ROR1: variants seen among roughly 807,000 people sequenced by gnomAD.
ROR1 encodes the protein inactive tyrosine-protein kinase transmembrane receptor ROR1.
Under a neutral mutation model 78.8 loss-of-function variants are expected in ROR1, and 19 were observed. The observed-to-expected ratio is 0.24, with a 90% CI of 0.17 to 0.35. The LOEUF (loss-of-function observed/expected upper bound fraction) is 0.35, where lower values mean the gene tolerates loss of function less well. Among genes scored for constraint, ROR1 ranks in the 10% least tolerant of loss-of-function variants. ROR1 has a pLI of 1.00. For synonymous variants in ROR1, 386 were observed against 433.6 expected (o/e 0.89, Z 1.36); for missense variants, 917 against 1,177.8 (o/e 0.78, Z 3.24).
At chr1:64,173,072 A>C (rs1309937734) in intron 8 of ROR1, among the ~76,000 whole-genome samples, 1 of 152,206 alleles carries the variant, frequency 6.6e-6, no homozygotes, top group African/African-American at 2.4e-5. Flanking sequence ...ATTTGTACCA[A>C]GTAACTTGAG....
intron 7 of ROR1, among the ~76,000 whole-genome samples, chr1:64,152,405 G>A (rs959992615): frequency 1.3e-5 from 2 of 152,080 alleles, no homozygotes; most frequent in Non-Finnish European, 2.9e-5. Flanking sequence ...GGTAGAAGAG[G>A]ACCACGATGT....
chr1:64,126,630 T>C (rs1195964390), intron 4 of ROR1, among the ~76,000 whole-genome samples: 1 of 152,174 alleles, frequency 6.6e-6, no homozygotes, highest in African/African-American at 2.4e-5. Context: ...CTATCCAAGG[T>C]TGTATGGAAA....
chr1:63,891,008 G>T (rs1202861437), intron 1 of ROR1, among the ~76,000 whole-genome samples: 3 of 152,070 alleles, frequency 2.0e-5, no homozygotes, highest in African/African-American at 7.2e-5. Context: ...TTTCTGCCTG[G>T]TGTTCATCAT....
chr1:64,070,540 G>A lies in ROR1; in HGVS notation c.482+19824G>A, dbSNP rs141119967. ...CCACCATATTGCCCAGGCTGGTCTC[G>A]AATTCCTTGCCTCAAACCATCCTCG... On this transcript the variant is annotated intron_variant, in intron 4 of 8. Transcript: ENST00000371079. Among the ~76,000 whole-genome samples, 18 of 152,114 alleles carry A rather than the reference G, an allele frequency of 1.2e-4. No homozygotes were observed. In the East Asian group the frequency reaches 2.9e-3, roughly 24 times the overall value.
chr1:63,868,347 C>T (rs897093351), intron 1 of ROR1, among the ~76,000 whole-genome samples: 1 of 152,078 alleles, frequency 6.6e-6, no homozygotes, highest in African/African-American at 2.4e-5. Flanking sequence ...AGGAATGAGT[C>T]GGGTCCTCAA....
At chr1:63,808,843 T>A (rs1200336665) in intron 1 of ROR1, among the ~76,000 whole-genome samples, 1 of 147,124 alleles carries the variant, frequency 6.8e-6, no homozygotes, top group Non-Finnish European at 1.5e-5. Flanking sequence ...TCATTTATGT[T>A]TTTTTTTTTT....
chr1:63,837,204 G>T (rs1172918946), intron 1 of ROR1, among the ~76,000 whole-genome samples: 5 of 152,198 alleles, frequency 3.3e-5, no homozygotes, highest in African/African-American at 9.6e-5. Flanking sequence ...TACTACGTAT[G>T]AATTTGACCT....
chr1:63,862,991 C>T (rs1445403663), intron 1 of ROR1, among the ~76,000 whole-genome samples: 2 of 152,218 alleles, frequency 1.3e-5, no homozygotes, highest in Non-Finnish European at 2.9e-5. Flanking sequence ...CTATCAAGGA[C>T]AGCATCTTGC....
chr1:63,908,533 G>C (rs1420450425), intron 1 of ROR1, among the ~76,000 whole-genome samples: 2 of 152,120 alleles, frequency 1.3e-5, no homozygotes, highest in Admixed American at 6.5e-5. Flanking sequence ...TCGCTCCCCT[G>C]TTTATGTATT....
intron 1 of ROR1, among the ~76,000 whole-genome samples, chr1:63,985,839 T>C (rs1441297438): frequency 1.3e-5 from 2 of 152,086 alleles, no homozygotes; most frequent in African/African-American, 4.8e-5. Flanking sequence ...CCCTAAGATA[T>C]CTCATTGTTT....
At chr1:64,127,419 G>A (rs1036520626) in intron 4 of ROR1, among the ~76,000 whole-genome samples, 54 of 151,672 alleles carry the variant, frequency 3.6e-4, no homozygotes, top group African/African-American at 1.3e-3. Flanking sequence ...CTCTTTCTCT[G>A]TCTCTCTCTG....
chr1:63,831,548 C>A (rs1336294269), intron 1 of ROR1, among the ~76,000 whole-genome samples: 1 of 152,206 alleles, frequency 6.6e-6, no homozygotes, highest in Non-Finnish European at 1.5e-5. Context: ...GGCTGAGACT[C>A]AAGGTGCCAT....
chr1:64,052,109 G>A (rs1646837857), intron 4 of ROR1, among the ~76,000 whole-genome samples: 1 of 151,778 alleles, frequency 6.6e-6, no homozygotes, highest in East Asian at 1.9e-4. Context: ...TACTTGCCCA[G>A]GTAGAAAATG....
chr1:63,876,868 A>C (rs1277326740), intron 1 of ROR1, among the ~76,000 whole-genome samples: 1 of 151,984 alleles, frequency 6.6e-6, no homozygotes, highest in African/African-American at 2.4e-5. Context: ...TCCAGTGAGA[A>C]TCTCATGTAT....
At chr1:64,143,192 A>T (rs191870040) in intron 7 of ROR1, 193 of 990,150 alleles carry the variant, frequency 1.9e-4, no homozygotes, top group Admixed American at 6.2e-4. Flanking sequence ...TGAGTCAGTT[A>T]ACTGTTCCTT....
At chr1:63,855,148 A>C (rs1255733617) in intron 1 of ROR1, among the ~76,000 whole-genome samples, 1 of 152,188 alleles carries the variant, frequency 6.6e-6, no homozygotes, top group Non-Finnish European at 1.5e-5. Context: ...GACAGTTCAA[A>C]TGTTTCCTCT....
At position 64,178,360 on chromosome 1, in the gene ROR1, C is replaced by T. The variant is rs752597810; in HGVS notation, c.2319C>T (p.Leu773=). Residue 773 remains leucine (L), a synonymous_variant, in exon 9 of 9, where the codon CTC becomes CTT. Transcript: ENST00000371079. The surrounding 1 kb of genome is among the most constrained non-coding windows in gnomAD (Gnocchi z 4.3). The part of the protein sequence containing the change: ...GGNATTQTTS[L]SASPVSNLSN... The stretch of plus-strand genomic sequence containing the variant: ...ATGCCACCACACAGACAACCTCCCT[C>T]AGTGCCAGCCCAGTGAGTAATCTCA... The T allele has an allele frequency of 6.2e-7, 1 of 1,614,232 alleles. No individual in the cohort carries two copies. The highest frequency in any genetic ancestry group is 8.5e-7 in the Non-Finnish European group (1 of 1,180,050).
chr1:64,145,304 G>T (rs1649444836), intron 7 of ROR1, among the ~76,000 whole-genome samples: 1 of 152,038 alleles, frequency 6.6e-6, no homozygotes, highest in Non-Finnish European at 1.5e-5. Context: ...AAGGGGAAGG[G>T]CTTAAAAAAT....
At chr1:64,062,503 G>A (rs1646925275) in intron 4 of ROR1, among the ~76,000 whole-genome samples, 1 of 151,972 alleles carries the variant, frequency 6.6e-6, no homozygotes, top group African/African-American at 2.4e-5. Flanking sequence ...AGTAGAGATG[G>A]GGTTTCACCG....
Sources: allele counts gnomAD v4.1 joint callset (sites outside exome capture counted in the v4.1 genomes callset), GRCh38; gene constraint gnomAD v4.1.1; non-coding constraint Gnocchi (gnomAD v3.1); transcripts MANE v1.5; gene names NCBI Gene and HGNC (gene_info 2026-07-23, HGNC 2026-07-21).